Variants in STMP1 observed in about 807,000 individuals in gnomAD.
STMP1 encodes the protein short transmembrane mitochondrial protein 1.
STMP1 carries 7 observed loss-of-function variants against 7.0 expected under a neutral mutation model. That is an observed-to-expected ratio of 1.01 (90% CI 0.57 to 1.89). The LOEUF is 1.89. Ranked by LOEUF, STMP1 falls within the 40% of genes most tolerant of loss-of-function variation. The pLI is 0.00. For synonymous variants in STMP1, 19 were observed against 18.4 expected, an observed-to-expected ratio of 1.03 and a Z score of -0.08; for missense variants, 45 against 53.0, an observed-to-expected ratio of 0.85 and a Z score of 0.47.
intron 1 of STMP1, among the ~76,000 whole-genome samples, chr7:135,670,624 G>A (rs1008982240): frequency 1.3e-5 from 2 of 152,092 alleles, no homozygotes; most frequent in Non-Finnish European, 2.9e-5. Context: ...ATACTCCTTT[G>A]GTAGATCCGG....
intron 1 of STMP1, among the ~76,000 whole-genome samples, chr7:135,670,518 A>G (rs1325537872): frequency 2.0e-5 from 3 of 152,308 alleles, no homozygotes; most frequent in African/African-American, 2.4e-5. Context: ...CCTACTGACC[A>G]TCCCGTGAAT....
At position 135,674,740 on chromosome 7, in the gene STMP1, G is replaced by A. The variant is rs1270216947; in HGVS notation, c.*575G>A. On this transcript the variant is annotated 3_prime_UTR_variant, in exon 3 of 3. Coordinates refer to ENST00000507606, the MANE Select transcript of STMP1 (RefSeq NM_001130929.2). ...GCTATTCATGAAGAAACGATTCTGA[G>A]AATCCTGTCAGGAATTGGGGAATGA... 6.6e-6 allele frequency: 1 copy of A among 152,206 alleles called. No homozygotes were observed. The highest frequency in any genetic ancestry group is 2.1e-4 in the South Asian group (1 of 4,838). 9.4% of individuals were successfully genotyped at this position (152,206 alleles called of 1,614,324 possible). A position where few individuals can be genotyped will look rare whatever the true frequency, so the allele number is the denominator to read the frequency against.
chr7:135,666,993 A>G (rs1795301745), intron 1 of STMP1, among the ~76,000 whole-genome samples: 1 of 152,232 alleles, frequency 6.6e-6, no homozygotes, highest in South Asian at 2.1e-4. Context: ...CTAGTAATGT[A>G]TGACGGCTTC....
At chr7:135,665,639 C>T (rs1052778824) in intron 1 of STMP1, 1 of 149,258 alleles carries the variant, frequency 6.7e-6, no homozygotes, top group Non-Finnish European at 1.5e-5. Flanking sequence ...GTCGTCTTTG[C>T]GCAGGGGCCA....
Position 135,676,078 on chromosome 7 carries a change from T to G in STMP1, c.*1913T>G, listed in dbSNP as rs1795411038. ...AGCTGGCATCACCACCACACCTGGC[T>G]AATTTTTGTATTTTTAGTAACGACG... On this transcript the variant is annotated 3_prime_UTR_variant, in exon 3 of 3. Transcript: ENST00000507606. 6.6e-6 allele frequency: 1 copy of G among 152,160 alleles called. No homozygotes were observed. The highest frequency in any genetic ancestry group is 2.4e-5 in the African/African-American group (1 of 41,418). 9.4% of individuals were successfully genotyped at this position (152,160 alleles called of 1,614,324 possible). A position where few individuals can be genotyped will look rare whatever the true frequency, so the allele number is the denominator to read the frequency against.
At chr7:135,671,581 C>T (rs1044539234) in intron 1 of STMP1, among the ~76,000 whole-genome samples, 10 of 152,038 alleles carry the variant, frequency 6.6e-5, no homozygotes, top group African/African-American at 2.4e-4. Flanking sequence ...GAGCCTTGGC[C>T]CTTTTGGATA....
chr7:135,673,191 T>G, intron 2 of STMP1: 1 of 212,728 alleles, frequency 4.7e-6, no homozygotes, highest in Non-Finnish European at 9.5e-6. Context: ...ACTTAGAATT[T>G]TGGAGATGCA....
rs1342583721 is a variant in STMP1, at chr7:135,676,385, ACTAT to A, written c.*2224_*2227del. On this transcript the variant is annotated 3_prime_UTR_variant, in exon 3 of 3. Transcript: ENST00000507606. ...TGTAATGTTTCACAGTGCTTTGCAG[ACTAT>A]CTAATAAATAGTAGCTATTAGTACA... is the stretch of plus-strand genomic sequence containing the variant. 1 of 152,236 alleles carries A rather than the reference ACTAT, an allele frequency of 6.6e-6. No individual in the cohort carries two copies. The allele number at this position is 152,236 out of a possible 1,614,324, so 9.4% of individuals were successfully genotyped here.
Position 135,670,231 on chromosome 7 carries a change from G to A in STMP1, c.16-2522G>A, listed in dbSNP as rs531063275. The stretch of plus-strand genomic sequence containing the variant: ...TAGTAATGCACTTAGTGTTGAGCTT[G>A]GGAAGAAAGCATTGCATTCCTTATG... On this transcript the variant is annotated intron_variant, in intron 1 of 2. Transcript: ENST00000507606. Among the ~76,000 whole-genome samples, 3 of 152,248 alleles carry A rather than the reference G, an allele frequency of 2.0e-5. No individual in the cohort carries two copies. In the South Asian group the frequency reaches 6.2e-4, roughly 32 times the overall value.
At chr7:135,666,458 C>T (rs1322959399) in intron 1 of STMP1, among the ~76,000 whole-genome samples, 3 of 152,136 alleles carry the variant, frequency 2.0e-5, no homozygotes, top group South Asian at 4.1e-4. Context: ...GAGCGATTCT[C>T]GTGCCTTACC....
intron 1 of STMP1, among the ~76,000 whole-genome samples, chr7:135,663,136 A>C (rs1018944653): frequency 6.6e-6 from 1 of 152,202 alleles, no homozygotes; most frequent in Non-Finnish European, 1.5e-5. Flanking sequence ...GTATACAAGT[A>C]ATTTTTCCCA....
intron 1 of STMP1, among the ~76,000 whole-genome samples, chr7:135,668,368 C>T (rs1795317732): frequency 6.6e-6 from 1 of 152,124 alleles, no homozygotes; most frequent in African/African-American, 2.4e-5. Flanking sequence ...GTGCTTTCAT[C>T]ATGTTGCTGA....
intron 2 of STMP1, chr7:135,673,072 A>C: frequency 4.5e-6 from 2 of 444,626 alleles, no homozygotes; most frequent in South Asian, 4.4e-5. Context: ...GTTAGCCGAG[A>C]GTAATATTAA....
chr7:135,669,128 G>A (rs1795332043), intron 1 of STMP1, among the ~76,000 whole-genome samples: 1 of 152,142 alleles, frequency 6.6e-6, no homozygotes, highest in Non-Finnish European at 1.5e-5. Context: ...TCACTATCAC[G>A]AGAACAGCAT....
At chr7:135,662,857 A>C (rs144068012) in intron 1 of STMP1, among the ~76,000 whole-genome samples, 2 of 152,234 alleles carry the variant, frequency 1.3e-5, no homozygotes, top group East Asian at 3.9e-4. Flanking sequence ...AGAGCTTCTT[A>C]TTGTGTGCCG....
chr7:135,674,032 A>T, intron 2 of STMP1, 59 bp from the exon 3 acceptor site: 1 of 1,016,024 alleles, frequency 9.8e-7, no homozygotes, highest in Non-Finnish European at 1.5e-6. Flanking sequence ...GAGGAAGAGA[A>T]GTACAAGAAT....
At position 135,674,390 on chromosome 7, in the gene STMP1, C is replaced by T. The variant is rs535848243; in HGVS notation, c.*225C>T. ...TCTTCCCATAATCCCTTTCCAACTG[C>T]ATGGGAGGTTCTAAGACTGGAATTA... On this transcript the variant is annotated 3_prime_UTR_variant, in exon 3 of 3. Coordinates refer to ENST00000507606, the MANE Select transcript of STMP1 (RefSeq NM_001130929.2). 30 of 468,306 alleles carry T rather than the reference C, an allele frequency of 6.4e-5. No homozygotes were observed. The Middle Eastern group carries it at 1.7e-3, about 26-fold the overall frequency. 29.0% of individuals were successfully genotyped at this position (468,306 alleles called of 1,614,324 possible). A position where few individuals can be genotyped will look rare whatever the true frequency, so the allele number is the denominator to read the frequency against.
chr7:135,675,294 A>G lies in STMP1; in HGVS notation c.*1129A>G, dbSNP rs1444574987. The G allele has an allele frequency of 3.9e-5, 6 of 152,194 alleles. No homozygotes were observed. In the East Asian group the frequency reaches 1.2e-3, roughly 29 times the overall value. 9.4% of individuals were successfully genotyped at this position (152,194 alleles called of 1,614,324 possible). A position where few individuals can be genotyped will look rare whatever the true frequency, so the allele number is the denominator to read the frequency against. On this transcript the variant is annotated 3_prime_UTR_variant, in exon 3 of 3. Coordinates refer to ENST00000507606, the MANE Select transcript of STMP1 (RefSeq NM_001130929.2). ...CCACTTCGCCTTATACTTTTGAGAA[A>G]GAGTCTGTGCCTAAACAAACACGTG...
chr7:135,663,865 C>T (rs547627334), intron 1 of STMP1, among the ~76,000 whole-genome samples: 2 of 151,882 alleles, frequency 1.3e-5, no homozygotes, highest in African/African-American at 4.8e-5. Context: ...GGGATGGTCT[C>T]GATCTCCTGA....
Sources: allele counts gnomAD v4.1 joint callset (sites outside exome capture counted in the v4.1 genomes callset), GRCh38; gene constraint gnomAD v4.1.1; transcripts MANE v1.5; gene names NCBI Gene and HGNC (gene_info 2026-07-23, HGNC 2026-07-21).